Variants in CGAS observed in about 807,000 individuals in gnomAD.
CGAS encodes the protein cyclic GMP-AMP synthase.
In CGAS, 31 loss-of-function variants were observed where a neutral mutation model predicts 34.0. The observed-to-expected ratio is 0.91, with a 90% CI of 0.69 to 1.23. CGAS has a LOEUF of 1.23. CGAS is among the 50% of genes most tolerant of loss of function. The probability of loss-of-function intolerance (pLI) is 0.00; values close to 1 mark genes in which losing one functional copy is unlikely to be tolerated. For synonymous variants in CGAS, 266 were observed against 260.0 expected, an observed-to-expected ratio of 1.02 and a Z score of -0.22; for missense variants, 597 against 657.6, an observed-to-expected ratio of 0.91 and a Z score of 1.01.
At chr6:73,427,570 G>A (rs1467220781) in intron 4 of CGAS, among the ~76,000 whole-genome samples, 2 of 152,180 alleles carry the variant, frequency 1.3e-5, no homozygotes, top group African/African-American at 4.8e-5. Flanking sequence ...AAAGTGCTGG[G>A]ATTGCAGGCC....
At chr6:73,428,143 G>A (rs988030380) in intron 4 of CGAS, among the ~76,000 whole-genome samples, 1 of 151,602 alleles carries the variant, frequency 6.6e-6, no homozygotes, top group Non-Finnish European at 1.5e-5. Context: ...ATGATTGCTT[G>A]AGCCCAGGAG....
chr6:73,451,520 C>G lies in CGAS; in HGVS notation c.657+5G>C. 6.5e-7 allele frequency: 1 copy of G among 1,541,634 alleles called. No individual in the cohort carries two copies. The highest frequency in any genetic ancestry group is 8.8e-7 in the Non-Finnish European group (1 of 1,139,450). On this transcript the variant is annotated splice_donor_5th_base_variant and intron_variant, in intron 1 of 4. Transcript: ENST00000370315. ...GGCTCGGCGGGAGGGCGCCAAGCAG[C>G]TCACCTTCACGTGCTCATAGTAGCT...
intron 3 of CGAS, among the ~76,000 whole-genome samples, chr6:73,430,044 T>C (rs1179465168): frequency 2.0e-5 from 3 of 152,032 alleles, no homozygotes; most frequent in African/African-American, 4.8e-5. Flanking sequence ...TAAAATCCTA[T>C]AGTCGTTCAT....
chr6:73,448,506 A>G (rs1770506128), intron 1 of CGAS, among the ~76,000 whole-genome samples: 1 of 152,230 alleles, frequency 6.6e-6, no homozygotes, highest in South Asian at 2.1e-4. Flanking sequence ...GTACATTAAC[A>G]CTTAGAATGA....
chr6:73,434,339 G>A (rs1015313628), intron 3 of CGAS, among the ~76,000 whole-genome samples: 1 of 152,182 alleles, frequency 6.6e-6, no homozygotes, highest in African/African-American at 2.4e-5. Flanking sequence ...AGGGTCAACT[G>A]TACATGACTG....
intron 3 of CGAS, among the ~76,000 whole-genome samples, chr6:73,432,593 G>A (rs1770211012): frequency 6.6e-6 from 1 of 152,042 alleles, no homozygotes; most frequent in Non-Finnish European, 1.5e-5. Flanking sequence ...AAATAGCTGG[G>A]ACAACAGGTG....
At position 73,426,281 on chromosome 6, in the gene CGAS, C is replaced by CAAAATAAAAT. The variant is rs566739528; in HGVS notation, c.1218-713_1218-704dup. Among the ~76,000 whole-genome samples the CAAAATAAAAT allele has an allele frequency of 2.3e-3, 333 of 144,804 alleles. 1 individual carries two copies. Among genetic ancestry groups the CAAAATAAAAT allele is most frequent in the African/African-American group, 7.4e-3 (290 of 38,968 alleles). 95.0% of individuals were successfully genotyped at this position (144,804 alleles called of 152,430 possible). ...CTGGGCAACAAGTGAGACTCCATCT[C>CAAAATAAAAT]AAAATAAAATAAAATAAAATAAAAT... On this transcript the variant is annotated intron_variant, in intron 4 of 4. Transcript: ENST00000370315.
At chr6:73,445,291 AG>A (rs377705062) in intron 2 of CGAS, among the ~76,000 whole-genome samples, 7 of 151,848 alleles carry the variant, frequency 4.6e-5, no homozygotes, top group African/African-American at 1.7e-4. Context: ...TAGGTGTTCT[AG>A]TTATTTAGGA....
At chr6:73,441,082 CTT>C (rs570875136) in intron 2 of CGAS, among the ~76,000 whole-genome samples, 12 of 136,200 alleles carry the variant, frequency 8.8e-5, no homozygotes, top group Non-Finnish European at 7.9e-5. Context: ...TTTTCTTTTT[CTT>C]TTTTTTTTTT....
chr6:73,448,286 G>A (rs555633256), intron 1 of CGAS, among the ~76,000 whole-genome samples: 2 of 152,040 alleles, frequency 1.3e-5, no homozygotes, highest in African/African-American at 4.8e-5. Context: ...CCAGCTACTC[G>A]GGAGGCTGAG....
chr6:73,448,570 T>C (rs368781331), intron 1 of CGAS, among the ~76,000 whole-genome samples: 3 of 152,134 alleles, frequency 2.0e-5, no homozygotes, highest in South Asian at 2.1e-4. Flanking sequence ...AAACTTCCCA[T>C]GTATTTTCGA....
At chr6:73,429,717 T>C (rs1770158042) in intron 3 of CGAS, among the ~76,000 whole-genome samples, 1 of 151,894 alleles carries the variant, frequency 6.6e-6, no homozygotes, top group Non-Finnish European at 1.5e-5. Context: ...TCCCAGCTAC[T>C]TGGGAGGCTG....
intron 3 of CGAS, among the ~76,000 whole-genome samples, chr6:73,437,645 G>A (rs1014199405): frequency 1.3e-5 from 2 of 151,972 alleles, no homozygotes; most frequent in African/African-American, 4.8e-5. Flanking sequence ...TATTTTGACT[G>A]TCCTTTTATC....
rs759945195 is a variant in CGAS at position 73,440,459 on chromosome 6, T to G, written c.878-14A>C. The G allele has an allele frequency of 3.8e-6, 6 of 1,574,448 alleles. No homozygotes were observed. The highest frequency in any genetic ancestry group is 5.2e-6 in the Non-Finnish European group (6 of 1,157,230). On this transcript the variant is annotated splice_polypyrimidine_tract_variant and intron_variant, in intron 2 of 4. Transcript: ENST00000370315. ...TGACATCTGTATCTGGTTGAACATATAAAAGAAAAGAAAGTATTTATTAAT... is the reference window on the plus strand; with the variant it reads ...TGACATCTGTATCTGGTTGAACATAGAAAAGAAAAGAAAGTATTTATTAAT...
rs754837044 is a variant in CGAS, at chr6:73,451,688, A to G, written c.494T>C (p.Leu165Pro). The G allele has an allele frequency of 3.7e-6, 6 of 1,613,742 alleles. No homozygotes were observed. The highest frequency in any genetic ancestry group is 4.2e-6 in the Non-Finnish European group (5 of 1,180,004). ...CTTCAACTTCTCCAAAACCGCCCGGAGCTTCGAGGCCCCAGGCGCCGCATC... is the reference window on the plus strand; with the variant it reads ...CTTCAACTTCTCCAAAACCGCCCGGGGCTTCGAGGCCCCAGGCGCCGCATC... ...RRDAAPGASK[L>P]RAVLEKLKLS... Residue 165 changes from leucine to proline, a missense_variant, in exon 1 of 5, where the codon CTC (leucine) becomes CCC (proline). By Grantham distance (98) the Leu-to-Pro change is moderately conservative. Coordinates refer to ENST00000370315, the MANE Select transcript of CGAS (RefSeq NM_138441.3).
rs1413139177 is a variant in CGAS at position 73,451,849 on chromosome 6, C to T, written c.333G>A (p.Arg111=). The T allele has an allele frequency of 6.4e-7, 1 of 1,550,390 alleles. No homozygotes were observed. Among genetic ancestry groups the T allele is most frequent in the Non-Finnish European group, 8.7e-7 (1 of 1,147,348 alleles). The change falls in exon 1 of 5, where the codon CGG becomes CGA. Residue 111 remains arginine, a synonymous_variant. Coordinates refer to ENST00000370315, the MANE Select transcript of CGAS (RefSeq NM_138441.3). Reference sequence around the variant, plus strand: ...AACCAGCCCTGGAAAGAGCCGGCTCCCGAGCCGCAGGAGGCTCCAGCCCCT... The same window carrying T: ...AACCAGCCCTGGAAAGAGCCGGCTCTCGAGCCGCAGGAGGCTCCAGCCCCT... The part of the protein sequence containing the change: ...GAEGLEPPAA[R]EPALSRAGSC...
chr6:73,437,779 A>G (rs758265881), intron 3 of CGAS, among the ~76,000 whole-genome samples: 4 of 152,182 alleles, frequency 2.6e-5, no homozygotes, highest in Middle Eastern at 3.2e-3. Flanking sequence ...TTAATCAAAA[A>G]TCAATAAAAA....
intron 1 of CGAS, among the ~76,000 whole-genome samples, chr6:73,448,083 G>C (rs558559574): frequency 9.9e-5 from 15 of 151,996 alleles, no homozygotes; most frequent in Non-Finnish European, 2.1e-4. Context: ...TTCTTTACCA[G>C]TTAATATACC....
rs149478637 is a variant in CGAS, at chr6:73,448,716, C to T, written c.657+2809G>A. ...GTTGTCCAGGCTGGACTCAAACTCC[C>T]GCCTCAGCCTCCCATGGTGCTAGGA... On this transcript the variant is annotated intron_variant, in intron 1 of 4. Coordinates refer to ENST00000370315, the MANE Select transcript of CGAS (RefSeq NM_138441.3). Among the ~76,000 whole-genome samples, 581 of 152,154 alleles carry T rather than the reference C, an allele frequency of 3.8e-3. 4 individuals are homozygous for T. The highest frequency in any genetic ancestry group is 0.013 in the African/African-American group (555 of 41,518).
Sources: gnomAD v4.1 joint callset for allele counts (sites outside exome capture counted in the v4.1 genomes callset) on GRCh38, gnomAD v4.1.1 for gene constraint, MANE v1.5 for transcripts, NCBI Gene and HGNC (gene_info 2026-07-23, HGNC 2026-07-21) for gene names.